AUNIP: variants seen among roughly 807,000 people sequenced by gnomAD.
AUNIP encodes the protein aurora kinase A and ninein interacting protein.
A neutral mutation model predicts 12.2 loss-of-function variants in AUNIP; 16 were observed. That is an observed-to-expected ratio of 1.31 (90% CI 0.88 to 1.99). The LOEUF (loss-of-function observed/expected upper bound fraction) is 1.99, where lower values mean the gene tolerates loss of function less well. Among genes scored for constraint, AUNIP ranks in the 30% most tolerant of loss-of-function variants. AUNIP has a pLI of 0.00. For missense variants in AUNIP, 411 were observed against 419.1 expected, an observed-to-expected ratio of 0.98 and a Z score of 0.17; for synonymous variants, 142 against 154.8, an observed-to-expected ratio of 0.92 and a Z score of 0.61.
rs965449276 is a variant in AUNIP at position 25,834,774 on chromosome 1, T to C, written c.*219A>G. 23 of 1,404,074 alleles carry C rather than the reference T, an allele frequency of 1.6e-5. No individual in the cohort carries two copies. The highest frequency in any genetic ancestry group is 2.1e-5 in the Non-Finnish European group (23 of 1,082,988). 87.0% of individuals were successfully genotyped at this position (1,404,074 alleles called of 1,614,324 possible). A position where few individuals can be genotyped will look rare whatever the true frequency, so the allele number is the denominator to read the frequency against. Reference sequence around the variant, plus strand: ...TTCATCATAGACTCATTCAGGGAATTTACCAGCCACCACCTTCCTGAGGGA... The same window carrying C: ...TTCATCATAGACTCATTCAGGGAATCTACCAGCCACCACCTTCCTGAGGGA... On this transcript the variant is annotated 3_prime_UTR_variant, in exon 3 of 3. Transcript: ENST00000374298.
chr1:25,848,072 G>A (rs902275391), intron 1 of AUNIP, among the ~76,000 whole-genome samples: 1 of 151,646 alleles, frequency 6.6e-6, no homozygotes, highest in African/African-American at 2.4e-5. Flanking sequence ...TACCTGTCAG[G>A]ATACTACACA....
In AUNIP at chr1:25,834,205, C is replaced by G; in HGVS notation, c.*788G>C. The G allele has an allele frequency of 1.0e-6, 1 of 985,346 alleles. No homozygotes were observed. Among genetic ancestry groups the G allele is most frequent in the Non-Finnish European group, 1.2e-6 (1 of 829,902 alleles). The allele number at this position is 985,346 out of a possible 1,614,324, so 61.0% of individuals were successfully genotyped here. A position where few individuals can be genotyped will look rare whatever the true frequency, so the allele number is the denominator to read the frequency against. On this transcript the variant is annotated 3_prime_UTR_variant, in exon 3 of 3. Coordinates refer to ENST00000374298, the MANE Select transcript of AUNIP (RefSeq NM_024037.3). The stretch of plus-strand genomic sequence containing the variant: ...AAATAGGAAACTAGCACCATTCTAC[C>G]TCTCTTCTCTCCACACCTGGGTTGT...
At position 25,835,804 on chromosome 1, in the gene AUNIP, G is replaced by A. The variant is rs762205571; in HGVS notation, c.263C>T (p.Thr88Ile). The change falls in exon 3 of 3, where the codon ACA (threonine) becomes ATA (isoleucine). Residue 88 changes from threonine (T) to isoleucine (I), a missense_variant. Coordinates refer to ENST00000374298, the MANE Select transcript of AUNIP (RefSeq NM_024037.3). ...GSDQKSVSSH[T>I]ESQINKESKK... ...GGACTCTTTGTTGATCTGACTTTCTGTATGAGATGAAACACTCTTCTGGTC... is the reference window on the plus strand; with the variant it reads ...GGACTCTTTGTTGATCTGACTTTCTATATGAGATGAAACACTCTTCTGGTC... The A allele has an allele frequency of 8.1e-6, 13 of 1,614,004 alleles. No homozygotes were observed. Among genetic ancestry groups the A allele is most frequent in the Non-Finnish European group, 1.1e-5 (13 of 1,180,004 alleles).
chr1:25,832,039 C>T (rs542581241), downstream of AUNIP: 177 of 1,614,106 alleles, frequency 1.1e-4, 1 homozygote, highest in South Asian at 1.8e-3. Context: ...ACCCTCAGCT[C>T]TGCAAACTCA....
At chr1:25,837,651 T>C (rs2048314079) in intron 1 of AUNIP, 97 bp from the exon 2 acceptor site, 3 of 1,284,524 alleles carry the variant, frequency 2.3e-6, no homozygotes, top group Non-Finnish European at 3.2e-6. Context: ...AGAACCACAC[T>C]AGATCCTCTG....
chr1:25,854,905 T>C (rs1262875601), intron 1 of AUNIP, among the ~76,000 whole-genome samples: 2 of 151,838 alleles, frequency 1.3e-5, no homozygotes, highest in Non-Finnish European at 2.9e-5. Context: ...AAAGAGACAA[T>C]GAAGCTAAAG....
rs2048490152 is a variant in AUNIP, at chr1:25,859,442, C to G, written c.-85G>C. Reference sequence around the variant, plus strand: ...CGCCAGAACCGCGGCCGCCGACGTTCGGATCTCGCGCCAACGCTGGGGGCG... The same window carrying G: ...CGCCAGAACCGCGGCCGCCGACGTTGGGATCTCGCGCCAACGCTGGGGGCG... On this transcript the variant is annotated 5_prime_UTR_variant, in exon 1 of 3. Transcript: ENST00000374298. 3 of 1,269,786 alleles carry G rather than the reference C, an allele frequency of 2.4e-6. No homozygotes were observed. The highest frequency in any genetic ancestry group is 1.6e-5 in the South Asian group (1 of 62,992). The allele number at this position is 1,269,786 out of a possible 1,614,324, so 78.7% of individuals were successfully genotyped here.
chr1:25,832,007 T>G (rs190048702), downstream of AUNIP: 8 of 1,614,050 alleles, frequency 5.0e-6, no homozygotes, highest in Middle Eastern at 1.6e-4. Context: ...GAAGAAGATA[T>G]CAGTAGAAAA....
intron 1 of AUNIP, among the ~76,000 whole-genome samples, chr1:25,845,329 A>G (rs1055919509): frequency 6.6e-6 from 1 of 152,166 alleles, no homozygotes; most frequent in South Asian, 2.1e-4. Flanking sequence ...TAAAGTGTAG[A>G]CTCACACTGC....
chr1:25,839,063 T>TA (rs1478813566), intron 1 of AUNIP, among the ~76,000 whole-genome samples: 3 of 152,154 alleles, frequency 2.0e-5, no homozygotes, highest in Admixed American at 2.0e-4. Context: ...TTCCACCACA[T>TA]ACAACTAGAA....
chr1:25,859,205 C>T (rs2048486591), intron 1 of AUNIP, 75 bp downstream of exon 1: 2 of 1,457,046 alleles, frequency 1.4e-6, no homozygotes, highest in African/African-American at 1.4e-5. Flanking sequence ...CTCCAGGTGT[C>T]CCCCAAACTC....
At chr1:25,844,978 G>A (rs563477615) in intron 1 of AUNIP, among the ~76,000 whole-genome samples, 1 of 152,322 alleles carries the variant, frequency 6.6e-6, no homozygotes, top group South Asian at 2.1e-4. Context: ...GATTGTTTAA[G>A]AAGTGTTACC....
In AUNIP at chr1:25,837,330, C is replaced by T. The variant is rs549317957; in HGVS notation, c.220+83G>A. On this transcript the variant is annotated intron_variant, in intron 2 of 2. Transcript: ENST00000374298. Reference sequence around the variant, plus strand: ...ACACAATGCACTGGTTTCACCATTTCTCATAAATGGTCTAACATGGACAAA... The same window carrying T: ...ACACAATGCACTGGTTTCACCATTTTTCATAAATGGTCTAACATGGACAAA... The T allele has an allele frequency of 9.7e-6, 14 of 1,440,558 alleles. No homozygotes were observed. In the South Asian group the frequency reaches 1.9e-4, roughly 20 times the overall value. 89.2% of individuals were successfully genotyped at this position (1,440,558 alleles called of 1,614,324 possible). A position where few individuals can be genotyped will look rare whatever the true frequency, so the allele number is the denominator to read the frequency against.
chr1:25,851,931 T>G (rs971147484), intron 1 of AUNIP, among the ~76,000 whole-genome samples: 8 of 151,842 alleles, frequency 5.3e-5, no homozygotes, highest in Admixed American at 2.0e-4. Context: ...GATAGGGTTT[T>G]TTCAGCCACC....
At chr1:25,846,874 A>G (rs552855652) in intron 1 of AUNIP, among the ~76,000 whole-genome samples, 2 of 152,364 alleles carry the variant, frequency 1.3e-5, no homozygotes, top group Admixed American at 6.5e-5. Context: ...TACTTCCATT[A>G]TAGCAGTGGC....
intron 1 of AUNIP, among the ~76,000 whole-genome samples, chr1:25,849,239 C>A (rs1178074166): frequency 6.6e-6 from 1 of 152,166 alleles, no homozygotes; most frequent in Non-Finnish European, 1.5e-5. Context: ...TCTTTCTTTT[C>A]ATTTTAACAG....
intron 1 of AUNIP, among the ~76,000 whole-genome samples, chr1:25,848,853 GTC>G (rs1285920103): frequency 1.3e-5 from 2 of 152,198 alleles, no homozygotes; most frequent in Admixed American, 6.5e-5. Context: ...AGTTGGCATT[GTC>G]TGTTTCTTCA....
At chr1:25,856,593 T>G (rs1229226773) in intron 1 of AUNIP, among the ~76,000 whole-genome samples, 1 of 152,026 alleles carries the variant, frequency 6.6e-6, no homozygotes, top group Non-Finnish European at 1.5e-5. Context: ...GGGAACTGCT[T>G]GAACCCAGGA....
intron 1 of AUNIP, among the ~76,000 whole-genome samples, chr1:25,855,844 T>C (rs1463105594): frequency 6.6e-6 from 1 of 152,048 alleles, no homozygotes; most frequent in Non-Finnish European, 1.5e-5. Flanking sequence ...AGAGTAATAG[T>C]TAATAGTCAG....
Sources: gnomAD v4.1 joint callset for allele counts (sites outside exome capture counted in the v4.1 genomes callset) on GRCh38, gnomAD v4.1.1 for gene constraint, MANE v1.5 for transcripts, NCBI Gene and HGNC (gene_info 2026-07-23, HGNC 2026-07-21) for gene names.